Variants in SNX9 observed in about 807,000 individuals in gnomAD.
The protein encoded by SNX9 is sorting nexin-9.
In SNX9, 44 loss-of-function variants were observed where a neutral mutation model predicts 89.4. That is an observed-to-expected ratio of 0.49 (90% confidence interval 0.39 to 0.63). The LOEUF (loss-of-function observed/expected upper bound fraction) is 0.63. SNX9 is among the 30% of genes least tolerant of loss of function. The pLI is 0.00. For synonymous variants in SNX9, 236 were observed against 247.8 expected (o/e 0.95, Z 0.45); for missense variants, 578 against 736.1 (o/e 0.79, Z 2.49).
At chr6:157,915,822 C>CAAAAAAAAAAAAAAAAAAAAAAAA (rs570701086) in intron 9 of SNX9, among the ~76,000 whole-genome samples, 6 of 89,370 alleles carry the variant, frequency 6.7e-5, no homozygotes, top group Non-Finnish European at 4.6e-5. Flanking sequence ...TAGACTCTGT[C>CAAAAAAAAAAAAAAAAAAAAAAAA]AAAAAAAAAA....
intron 2 of SNX9, among the ~76,000 whole-genome samples, chr6:157,868,635 ACATTT>A (rs1244293277): frequency 2.0e-5 from 3 of 152,232 alleles, no homozygotes; most frequent in African/African-American, 7.2e-5. Context: ...TTGTCTCATT[ACATTT>A]AATTGTCCTT....
intron 15 of SNX9, 73 bp from the exon 16 acceptor site, chr6:157,938,560 A>T: frequency 1.0e-6 from 1 of 953,364 alleles, no homozygotes; most frequent in Non-Finnish European, 1.7e-6. Flanking sequence ...AGAATATATT[A>T]GCATTGTTAT....
chr6:157,850,874 C>T (rs556460225), intron 1 of SNX9, among the ~76,000 whole-genome samples: 103 of 152,326 alleles, frequency 6.8e-4, no homozygotes, highest in African/African-American at 2.4e-3. Flanking sequence ...ATAAGGCTAA[C>T]GCCATAGAAG....
chr6:157,854,023 T>G (rs1217275043), intron 1 of SNX9, among the ~76,000 whole-genome samples: 1 of 152,262 alleles, frequency 6.6e-6, no homozygotes, highest in Non-Finnish European at 1.5e-5. Flanking sequence ...ATCATTGGTA[T>G]GTTGCCAGTA....
chr6:157,880,646 G>T (rs570013917), intron 4 of SNX9, among the ~76,000 whole-genome samples: 1 of 152,166 alleles, frequency 6.6e-6, no homozygotes, highest in Non-Finnish European at 1.5e-5. Flanking sequence ...GAGTGCCATC[G>T]TGAGCCACAG....
intron 9 of SNX9, among the ~76,000 whole-genome samples, chr6:157,918,330 A>G (rs937592544): frequency 6.6e-6 from 1 of 152,160 alleles, no homozygotes; most frequent in Non-Finnish European, 1.5e-5. Flanking sequence ...TTCCTGATGT[A>G]GTGACCTCTT....
chr6:157,915,645 A>C (rs2115185845), intron 9 of SNX9, among the ~76,000 whole-genome samples: 1 of 85,674 alleles, frequency 1.2e-5, no homozygotes, highest in African/African-American at 4.1e-5. Flanking sequence ...AAAAAAATAT[A>C]TATATATATA....
At chr6:157,915,545 G>T (rs1291252593) in intron 9 of SNX9, among the ~76,000 whole-genome samples, 2 of 149,332 alleles carry the variant, frequency 1.3e-5, no homozygotes, top group African/African-American at 5.0e-5. Flanking sequence ...CAGCACTTTG[G>T]TAGGCCAAGG....
chr6:157,916,355 A>G (rs892972411), intron 9 of SNX9, among the ~76,000 whole-genome samples: 1 of 152,034 alleles, frequency 6.6e-6, no homozygotes, highest in Non-Finnish European at 1.5e-5. Flanking sequence ...TTTAATGTAG[A>G]CAATCATGTC....
intron 16 of SNX9, among the ~76,000 whole-genome samples, chr6:157,939,712 C>T (rs978003703): frequency 1.4e-4 from 21 of 152,272 alleles, no homozygotes; most frequent in Admixed American, 3.9e-4. Flanking sequence ...ATTGAAGTTT[C>T]GGGTTTTGAA....
intron 1 of SNX9, among the ~76,000 whole-genome samples, chr6:157,824,787 A>G (rs3805757): frequency 0.05 from 7,671 of 152,282 alleles, 218 homozygotes; most frequent in East Asian, 0.11. Context: ...TATTAATGCG[A>G]TAGAACTTGC....
chr6:157,875,228 CGT>C (rs1375533753), intron 4 of SNX9, 52 bp downstream of exon 4: 2 of 1,568,358 alleles, frequency 1.3e-6, no homozygotes, highest in African/African-American at 2.7e-5. Context: ...GAAAACAGAG[CGT>C]ATTTGTGAAG....
chr6:157,835,242 A>G (rs1781560608), intron 1 of SNX9, among the ~76,000 whole-genome samples: 1 of 152,002 alleles, frequency 6.6e-6, no homozygotes, highest in Non-Finnish European at 1.5e-5. Flanking sequence ...CAAACTCCTG[A>G]CACCAAGTGA....
chr6:157,903,207 A>C (rs1038682102), intron 6 of SNX9, among the ~76,000 whole-genome samples: 1 of 152,100 alleles, frequency 6.6e-6, no homozygotes, highest in African/African-American at 2.4e-5. Context: ...CCAATATTCC[A>C]ATTCCATGAT....
chr6:157,891,844 T>C (rs933398166), intron 4 of SNX9, among the ~76,000 whole-genome samples: 2 of 152,000 alleles, frequency 1.3e-5, no homozygotes, highest in African/African-American at 4.8e-5. Flanking sequence ...ACAGCAGAGA[T>C]GTAGAAAAGT....
chr6:157,886,333 T>A (rs1193293039), intron 4 of SNX9, among the ~76,000 whole-genome samples: 1 of 152,218 alleles, frequency 6.6e-6, no homozygotes, highest in Non-Finnish European at 1.5e-5. Flanking sequence ...ACTATTTTTG[T>A]GGTCAGCAGT....
At chr6:157,892,601 T>C (rs934982459) in intron 4 of SNX9, 1 of 152,226 alleles carries the variant, frequency 6.6e-6, no homozygotes, top group Non-Finnish European at 1.5e-5. Context: ...CTACAAATTA[T>C]TGACCAAGTG....
chr6:157,928,375 A>G (rs1783738048), intron 11 of SNX9, among the ~76,000 whole-genome samples: 1 of 152,260 alleles, frequency 6.6e-6, no homozygotes, highest in Non-Finnish European at 1.5e-5. Context: ...TAAAATTCAC[A>G]AAGAATTGTA....
intron 6 of SNX9, 48 bp from the exon 7 acceptor site, chr6:157,906,080 C>G: frequency 8.6e-6 from 13 of 1,509,948 alleles, no homozygotes; most frequent in Non-Finnish European, 1.2e-5. Context: ...TTGTAAAATT[C>G]TTACAAGGAA....
Sources: gnomAD v4.1 joint callset for allele counts (sites outside exome capture counted in the v4.1 genomes callset) on GRCh38, gnomAD v4.1.1 for gene constraint, MANE v1.5 for transcripts, NCBI Gene and HGNC (gene_info 2026-07-23, HGNC 2026-07-21) for gene names.